The following BZW2 variants were observed in gnomAD, a reference collection of about 807,000 sequenced individuals.
The protein encoded by BZW2 is basic leucine zipper and W2 domains 2.
BZW2 carries 23 observed loss-of-function variants against 53.2 expected under a neutral mutation model. The ratio of observed to expected loss-of-function variants is 0.43; its 90% CI spans 0.31 to 0.61. The LOEUF is 0.61. Ranked by LOEUF, BZW2 falls within the 20% of genes least tolerant of loss-of-function variation. The pLI is 0.09. For missense variants in BZW2, 409 were observed against 503.1 expected, an observed-to-expected ratio of 0.81 and a Z score of 1.79; for synonymous variants, 227 against 186.4, an observed-to-expected ratio of 1.22 and a Z score of -1.77.
chr7:16,687,905 G>A (rs889984372), intron 6 of BZW2, among the ~76,000 whole-genome samples: 14 of 152,126 alleles, frequency 9.2e-5, no homozygotes, highest in South Asian at 2.1e-4. Context: ...ACAGCCTAGT[G>A]TTAATTTATA....
At chr7:16,702,068 T>A (rs1783684640) in intron 10 of BZW2, among the ~76,000 whole-genome samples, 2 of 152,206 alleles carry the variant, frequency 1.3e-5, no homozygotes, top group Admixed American at 1.3e-4. Flanking sequence ...AATGTCTTCC[T>A]TTCTTACTGT....
At chr7:16,687,256 CT>C (rs997435128) in intron 6 of BZW2, 6 of 152,100 alleles carry the variant, frequency 3.9e-5, no homozygotes, top group African/African-American at 1.4e-4. Context: ...ATTTGTTCAA[CT>C]TTTCTGTATG....
intron 8 of BZW2, among the ~76,000 whole-genome samples, chr7:16,695,369 T>C (rs930262707): frequency 6.6e-5 from 10 of 152,228 alleles, no homozygotes; most frequent in Non-Finnish European, 1.5e-4. Flanking sequence ...GATTAAGCAT[T>C]TGTCTAGTGT....
intron 9 of BZW2, 138 bp from the exon 10 acceptor site, chr7:16,697,910 C>A: frequency 9.5e-7 from 1 of 1,055,396 alleles, no homozygotes; most frequent in South Asian, 1.6e-5. Context: ...CCATTGGGCA[C>A]AATATGATGA....
chr7:16,676,480 G>A (rs1583723309), intron 3 of BZW2, among the ~76,000 whole-genome samples: 1 of 150,162 alleles, frequency 6.7e-6, no homozygotes, highest in South Asian at 2.1e-4. Flanking sequence ...TCCAGGAAGT[G>A]GAGGTTGCAG....
intron 6 of BZW2, 57 bp downstream of exon 6, chr7:16,686,097 G>T (rs1469174669): frequency 3.8e-6 from 6 of 1,593,868 alleles, no homozygotes; most frequent in Non-Finnish European, 5.1e-6. Flanking sequence ...TAAAGTCACA[G>T]ATAGTTAGAA....
intron 10 of BZW2, among the ~76,000 whole-genome samples, chr7:16,703,746 T>C (rs1178300958): frequency 6.6e-6 from 1 of 152,200 alleles, no homozygotes; most frequent in African/African-American, 2.4e-5. Flanking sequence ...TATATTCTCC[T>C]TCCTATTCTT....
Position 16,681,352 on chromosome 7 carries a change from A to T in BZW2, c.287A>T (p.His96Leu), listed in dbSNP as rs1782938817. The change falls in exon 4 of 12, where the codon CAC becomes CTC. Residue 96 changes from histidine (H) to leucine (L), a missense_variant. Physicochemically the swap from His to Leu is moderately conservative, Grantham distance 99. Around this residue, in one of 3 missense-constraint regions of BZW2, gnomAD observed 316 missense variants for 366.8 expected, o/e 0.86. Coordinates refer to ENST00000258761, the MANE Select transcript of BZW2 (RefSeq NM_014038.3). Reference protein sequence around the residue: ...DDGDKTKMTNHCVFSANEDHE... With the variant: ...DDGDKTKMTNLCVFSANEDHE... Reference sequence around the variant, plus strand: ...GGTGACAAGACCAAGATGACCAACCACTGTGTGTTTTCAGCAAATGAAGAT... The same window carrying T: ...GGTGACAAGACCAAGATGACCAACCTCTGTGTGTTTTCAGCAAATGAAGAT... The T allele has an allele frequency of 6.2e-7, 1 of 1,613,964 alleles. No individual in the cohort carries two copies. Among genetic ancestry groups the T allele is most frequent in the African/African-American group, 1.3e-5 (1 of 74,904 alleles).
intron 1 of BZW2, among the ~76,000 whole-genome samples, chr7:16,649,793 G>A (rs1396945527): frequency 6.6e-6 from 1 of 152,132 alleles, no homozygotes; most frequent in South Asian, 2.1e-4. Flanking sequence ...TGGATGAGAA[G>A]ACAGCTGAGA....
intron 1 of BZW2, among the ~76,000 whole-genome samples, chr7:16,652,202 A>G (rs756394419): frequency 2.6e-5 from 4 of 152,192 alleles, no homozygotes; most frequent in Non-Finnish European, 5.9e-5. Context: ...GCTTACATCC[A>G]TGGTTTTCAA....
intron 5 of BZW2, among the ~76,000 whole-genome samples, chr7:16,685,045 G>A (rs1783071815): frequency 6.6e-6 from 1 of 152,098 alleles, no homozygotes; most frequent in South Asian, 2.1e-4. Context: ...TGGCCCCTGA[G>A]GAATTTCCAT....
chr7:16,660,668 C>T (rs575498652), intron 1 of BZW2, among the ~76,000 whole-genome samples: 20 of 152,116 alleles, frequency 1.3e-4, no homozygotes, highest in Admixed American at 1.0e-3. Context: ...AACCATTAGC[C>T]ACACTGTTTA....
intron 10 of BZW2, among the ~76,000 whole-genome samples, chr7:16,703,383 T>G (rs1427515056): frequency 2.0e-5 from 3 of 152,094 alleles, no homozygotes; most frequent in Non-Finnish European, 4.4e-5. Context: ...TTCAAGAACA[T>G]TTTCCAAGAG....
At chr7:16,667,124 A>G (rs1160499499) in intron 2 of BZW2, among the ~76,000 whole-genome samples, 1 of 152,044 alleles carries the variant, frequency 6.6e-6, no homozygotes, top group African/African-American at 2.4e-5. Context: ...CTCTACTAAA[A>G]GTACAAAATT....
Position 16,650,011 on chromosome 7 carries a change from CT to C in BZW2, c.-8+3733del, listed in dbSNP as rs552090535. Among the ~76,000 whole-genome samples the C allele has an allele frequency of 4.7e-5, 7 of 149,182 alleles. No individual in the cohort carries two copies. The East Asian group carries it at 5.9e-4, about 13-fold the overall frequency. On this transcript the variant is annotated intron_variant, in intron 1 of 11. Coordinates refer to ENST00000258761, the MANE Select transcript of BZW2 (RefSeq NM_014038.3). ...GGAAGTATTACAGCCTCTAAGAAAT[CT>C]TTTTTTTTTAAACACAACATAAGAA...
At chr7:16,704,446 A>G in intron 10 of BZW2, 101 bp from the exon 11 acceptor site, 1 of 1,211,030 alleles carries the variant, frequency 8.3e-7, no homozygotes, top group Non-Finnish European at 1.1e-6. Flanking sequence ...AGAATGCTTT[A>G]TATTTAAAAT....
intron 3 of BZW2, among the ~76,000 whole-genome samples, chr7:16,680,049 A>G (rs1283118161): frequency 6.6e-6 from 1 of 152,184 alleles, no homozygotes. Flanking sequence ...TCTAGCCAAC[A>G]TAGCAGCTGG....
intron 1 of BZW2, among the ~76,000 whole-genome samples, chr7:16,654,737 C>T (rs1782078484): frequency 6.6e-6 from 1 of 151,396 alleles, no homozygotes; most frequent in Non-Finnish European, 1.5e-5. Flanking sequence ...CACGGTTTCA[C>T]CATGTTGCCC....
At chr7:16,702,101 C>G (rs1172226111) in intron 10 of BZW2, among the ~76,000 whole-genome samples, 1 of 152,112 alleles carries the variant, frequency 6.6e-6, no homozygotes, top group Non-Finnish European at 1.5e-5. Flanking sequence ...TTCTATATTC[C>G]TAATAGGCAT....
Sources: allele counts gnomAD v4.1 joint callset (sites outside exome capture counted in the v4.1 genomes callset), GRCh38; gene constraint gnomAD v4.1.1; regional missense constraint gnomAD v4.1.1; transcripts MANE v1.5; gene names NCBI Gene and HGNC (gene_info 2026-07-23, HGNC 2026-07-21).